Variants in KHK observed in about 807,000 individuals in gnomAD.
KHK encodes ketohexokinase.
KHK carries 37 observed loss-of-function variants against 36.0 expected under a neutral mutation model. That is an observed-to-expected ratio of 1.03 (90% CI 0.79 to 1.35). KHK has a LOEUF of 1.35. Among genes scored for constraint, KHK ranks in the 40% most tolerant of loss-of-function variants. The probability of loss-of-function intolerance (pLI) is 0.00; values close to 1 mark genes in which losing one functional copy is unlikely to be tolerated. For synonymous variants in KHK, 161 were observed against 162.8 expected (o/e 0.99, Z 0.08); for missense variants, 395 against 391.9 (o/e 1.01, Z -0.07).
chr2:27,098,620 T>C (rs905233418), intron 5 of KHK, among the ~76,000 whole-genome samples: 2 of 152,154 alleles, frequency 1.3e-5, no homozygotes, highest in South Asian at 4.1e-4. Flanking sequence ...TTCGGTGTTT[T>C]GTTTTTTGTT....
chr2:27,095,738 G>C (rs1054524348), intron 3 of KHK, among the ~76,000 whole-genome samples: 3 of 152,242 alleles, frequency 2.0e-5, no homozygotes, highest in African/African-American at 7.2e-5. Context: ...CTGTTCCTAC[G>C]GCCCAGCCTG....
chr2:27,099,148 G>T, intron 5 of KHK, 48 bp from the exon 6 acceptor site: 1 of 1,569,486 alleles, frequency 6.4e-7, no homozygotes, highest in South Asian at 1.1e-5. Flanking sequence ...TGCTGTTGGT[G>T]AATGACGAGT....
In KHK at chr2:27,097,604, G is replaced by A. The variant is rs546734027; in HGVS notation, c.519G>A (p.Glu173=). 6.3e-5 allele frequency: 102 copies of A among 1,613,982 alleles called. 1 individual carries two copies. In the South Asian group the frequency reaches 1.1e-3, roughly 17 times the overall value. The change falls in exon 5 of 8, where the codon GAG becomes GAA. Residue 173 remains glutamate (E), a synonymous_variant. Coordinates refer to ENST00000260598, the MANE Select transcript of KHK (RefSeq NM_006488.3). ...EQKIRVSVEV[E]KPREELFQLF... is the part of the protein sequence containing the mutation. ...AGATCCGGGTGTCCGTGGAGGTGGA[G>A]AAGCCACGAGAGGAGCTCTTCCAGC...
Position 27,090,022 on chromosome 2 carries a change from T to G in KHK, c.93-2310T>G, listed in dbSNP as rs181121041. Among the ~76,000 whole-genome samples the G allele has an allele frequency of 3.2e-3, 484 of 152,224 alleles. 2 individuals are homozygous for G. Among genetic ancestry groups the G allele is most frequent in the African/African-American group, 0.011 (473 of 41,534 alleles). On this transcript the variant is annotated intron_variant, in intron 1 of 7. Transcript: ENST00000260598. Reference sequence around the variant, plus strand: ...CATGTGCCACCACACCCAACTAATTTTGTACTTTCAGTAGAGATGGGGTTT... The same window carrying G: ...CATGTGCCACCACACCCAACTAATTGTGTACTTTCAGTAGAGATGGGGTTT...
chr2:27,094,886 G>A lies in KHK; in HGVS notation c.296G>A (p.Cys99Tyr). The change falls in exon 3 of 8, where the codon TGC becomes TAC. Residue 99 changes from cysteine (C) to tyrosine (Y), a missense_variant. Cys to Tyr is a radical substitution (Grantham distance 194, BLOSUM62 -2). Transcript: ENST00000260598. The stretch of plus-strand genomic sequence containing the variant: ...AAGGGGGACACCCCCAGCTCCTGCT[G>A]CATCATCAACAACTCCAATGGCAAC... Reference protein sequence around the residue: ...QSKGDTPSSCCIINNSNGNRT... With the variant: ...QSKGDTPSSCYIINNSNGNRT... 1.2e-6 allele frequency: 2 copies of A among 1,614,028 alleles called. No individual in the cohort carries two copies. Among genetic ancestry groups the A allele is most frequent in the Non-Finnish European group, 1.7e-6 (2 of 1,180,044 alleles).
chr2:27,096,475 G>T (rs929345283), intron 3 of KHK, among the ~76,000 whole-genome samples: 1 of 152,132 alleles, frequency 6.6e-6, no homozygotes, highest in African/African-American at 2.4e-5. Context: ...CACAGACCTT[G>T]CCAGTTGACA....
At position 27,099,990 on chromosome 2, in the gene KHK, A is replaced by G; in HGVS notation, c.*240A>G. The G allele has an allele frequency of 1.2e-6, 1 of 816,326 alleles. No homozygotes were observed. Among genetic ancestry groups the G allele is most frequent in the Non-Finnish European group, 2.0e-6 (1 of 507,262 alleles). 50.6% of individuals were successfully genotyped at this position (816,326 alleles called of 1,614,324 possible). ...AGCCAGCTTCTCCTCTCAATGTCTG[A>G]ACTGCTCTGGCTGGGCATTCCTGAG... On this transcript the variant is annotated 3_prime_UTR_variant, in exon 8 of 8. Coordinates refer to ENST00000260598, the MANE Select transcript of KHK (RefSeq NM_006488.3).
rs779445833 is a variant in KHK at position 27,092,333 on chromosome 2, T to G, written c.94T>G (p.Cys32Gly). 3 of 1,611,422 alleles carry G rather than the reference T, an allele frequency of 1.9e-6. No individual in the cohort carries two copies. Among genetic ancestry groups the G allele is most frequent in the South Asian group, 2.2e-5 (2 of 91,046 alleles). ...KYPKEDSEIRCLSQRWQRGGN... is the reference protein window; with the variant it reads ...KYPKEDSEIRGLSQRWQRGGN... ...AGGGACCCTCCCTGTGCTTTGCAGG[T>G]GTTTGTCCCAGAGATGGCAGCGCGG... Residue 32 changes from cysteine to glycine, a missense_variant and splice_region_variant, in exon 2 of 8, where the codon TGT becomes GGT. By Grantham distance (159) the Cys-to-Gly change is radical. Coordinates refer to ENST00000260598, the MANE Select transcript of KHK (RefSeq NM_006488.3).
At chr2:27,091,674 T>C (rs1023859085) in intron 1 of KHK, among the ~76,000 whole-genome samples, 2 of 152,250 alleles carry the variant, frequency 1.3e-5, no homozygotes, top group African/African-American at 4.8e-5. Flanking sequence ...TGACCCTCTA[T>C]GTGGAAGTTA....
At chr2:27,096,901 A>T (rs138109784) in intron 4 of KHK, 100 bp downstream of exon 4, 1 of 877,716 alleles carries the variant, frequency 1.1e-6, no homozygotes, top group Non-Finnish European at 1.9e-6. Flanking sequence ...TACCTTAGAG[A>T]TAAATGAACC....
At position 27,087,107 on chromosome 2, in the gene KHK, C is replaced by T. The variant is rs979286521; in HGVS notation, c.-153C>T. The T allele has an allele frequency of 7.8e-6, 5 of 639,018 alleles. No individual in the cohort carries two copies. The highest frequency in any genetic ancestry group is 1.4e-5 in the Non-Finnish European group (5 of 359,904). 39.6% of individuals were successfully genotyped at this position (639,018 alleles called of 1,614,324 possible). A position where few individuals can be genotyped will look rare whatever the true frequency, so the allele number is the denominator to read the frequency against. On this transcript the variant is annotated 5_prime_UTR_variant, in exon 1 of 8. Transcript: ENST00000260598. The stretch of plus-strand genomic sequence containing the variant: ...CCTGCTCCTTTCGTTCCCTGCACCC[C>T]TGGCCGCTGCAGGTGGCTCCCTGGA...
At position 27,097,404 on chromosome 2, in the gene KHK, C is replaced by T; in HGVS notation, c.418-99C>T. On this transcript the variant is annotated intron_variant, in intron 4 of 7. Coordinates refer to ENST00000260598, the MANE Select transcript of KHK (RefSeq NM_006488.3). ...GGGTTCTAGCCCAGCCTCCCCGAGG[C>T]CCTCTCCCTCCTCACCCAGAGTTTC... The T allele has an allele frequency of 2.0e-6, 3 of 1,523,884 alleles. No individual in the cohort carries two copies. In the South Asian group the frequency reaches 3.4e-5, roughly 17 times the overall value. The allele number at this position is 1,523,884 out of a possible 1,614,324, so 94.4% of individuals were successfully genotyped here.
Position 27,087,032 on chromosome 2 carries a change from G to T in KHK, c.-228G>T. 1 of 473,482 alleles carries T rather than the reference G, an allele frequency of 2.1e-6. No homozygotes were observed. Among genetic ancestry groups the T allele is most frequent in the Non-Finnish European group, 3.8e-6 (1 of 262,546 alleles). 29.3% of individuals were successfully genotyped at this position (473,482 alleles called of 1,614,324 possible). A position where few individuals can be genotyped will look rare whatever the true frequency, so the allele number is the denominator to read the frequency against. Reference sequence around the variant, plus strand: ...GGAAGACCGGGGACCAAGACCTCTGGGTTGGCTTTCCTAGACCCGCTCGGG... The same window carrying T: ...GGAAGACCGGGGACCAAGACCTCTGTGTTGGCTTTCCTAGACCCGCTCGGG... On this transcript the variant is annotated 5_prime_UTR_variant, in exon 1 of 8. Transcript: ENST00000260598.
At chr2:27,092,595 C>T (rs1195964164) in intron 2 of KHK, 147 bp downstream of exon 2, 24 of 683,536 alleles carry the variant, frequency 3.5e-5, no homozygotes, top group Middle Eastern at 2.4e-4. Context: ...GAGCACCAGA[C>T]GCCCAGCCCT....
rs745789565 is a variant in KHK, at chr2:27,099,264, G to A, written c.633G>A (p.Leu211=). ...FQSAEEALRG[L]YGRVRKGAVL... The stretch of plus-strand genomic sequence containing the variant: ...CAGCAGAGGAAGCCTTGAGGGGCTT[G>A]TATGGTCGTGTGAGGAAAGGGTGAG... Residue 211 remains leucine (L), a synonymous_variant, in exon 6 of 8, where the codon TTG becomes TTA. Transcript: ENST00000260598. 1.2e-6 allele frequency: 2 copies of A among 1,614,068 alleles called. No individual in the cohort carries two copies. Among genetic ancestry groups the A allele is most frequent in the African/African-American group, 2.7e-5 (2 of 74,940 alleles).
intron 2 of KHK, among the ~76,000 whole-genome samples, chr2:27,092,942 G>A (rs1218828500): frequency 2.6e-5 from 4 of 152,134 alleles, no homozygotes; most frequent in Non-Finnish European, 5.9e-5. Context: ...ACACCCTGAA[G>A]CCACATGCTA....
chr2:27,100,424 T>G lies in KHK; in HGVS notation c.*674T>G. 7.7e-6 allele frequency: 10 copies of G among 1,290,890 alleles called. No homozygotes were observed. Among genetic ancestry groups the G allele is most frequent in the Non-Finnish European group, 1.0e-5 (10 of 988,780 alleles). The allele number at this position is 1,290,890 out of a possible 1,614,324, so 80.0% of individuals were successfully genotyped here. ...TCACCCTTGGAGCCCACCTTGGAAT[T>G]AAGGGCGTGCCTCAGCCACAAATGT... On this transcript the variant is annotated 3_prime_UTR_variant, in exon 8 of 8. Coordinates refer to ENST00000260598, the MANE Select transcript of KHK (RefSeq NM_006488.3).
Position 27,094,863 on chromosome 2 carries a change from G to T in KHK, c.273G>T (p.Lys91Asn). The T allele has an allele frequency of 6.2e-7, 1 of 1,614,056 alleles. No homozygotes were observed. Among genetic ancestry groups the T allele is most frequent in the Non-Finnish European group, 8.5e-7 (1 of 1,180,054 alleles). The part of the protein sequence containing the change: ...VDVSQVAWQS[K>N]GDTPSSCCII... ...TGTCTCAGGTGGCCTGGCAGAGCAA[G>T]GGGGACACCCCCAGCTCCTGCTGCA... is the stretch of plus-strand genomic sequence containing the variant. Residue 91 changes from lysine to asparagine, a missense_variant, in exon 3 of 8, where the codon AAG becomes AAT. Physicochemically the swap from Lys to Asn is moderately conservative, Grantham distance 94. Transcript: ENST00000260598.
intron 7 of KHK, 22 bp downstream of exon 7, chr2:27,099,599 G>A (rs1033932441): frequency 1.2e-6 from 2 of 1,614,022 alleles, no homozygotes; most frequent in East Asian, 2.2e-5. Flanking sequence ...AGCAGGAGGG[G>A]AAAAGGACTG....
Sources: gnomAD v4.1 joint callset for allele counts (sites outside exome capture counted in the v4.1 genomes callset) on GRCh38, gnomAD v4.1.1 for gene constraint, MANE v1.5 for transcripts, NCBI Gene and HGNC (gene_info 2026-07-23, HGNC 2026-07-21) for gene names.